POLM: variants seen among roughly 807,000 people sequenced by gnomAD.
POLM encodes DNA polymerase mu.
A neutral mutation model predicts 56.7 loss-of-function variants in POLM; 52 were observed. The observed-to-expected ratio is 0.92, with a 90% CI of 0.73 to 1.15. POLM has a LOEUF of 1.15. Ranked by LOEUF, POLM falls within the 50% of genes most tolerant of loss-of-function variation. The pLI is 0.00. For synonymous variants in POLM, 273 were observed against 274.3 expected, an observed-to-expected ratio of 1.00 and a Z score of 0.05; for missense variants, 660 against 663.6, an observed-to-expected ratio of 0.99 and a Z score of 0.06.
At position 44,074,349 on chromosome 7, in the gene POLM, TGGGGAGGGGTCTGAA is replaced by T. The variant is rs1407715948; in HGVS notation, c.968+34_968+48del. ...GGGTCCCCGACTCAGGTCCCTTCAC[TGGGGAGGGGTCTGAA>T]GCCAAGCCAGAGGGGCACGTCGGGC... On this transcript the variant is annotated intron_variant, in intron 7 of 10. Coordinates refer to ENST00000242248, the MANE Select transcript of POLM (RefSeq NM_013284.4). 6 of 1,549,068 alleles carry T rather than the reference TGGGGAGGGGTCTGAA, an allele frequency of 3.9e-6. No homozygotes were observed. In the Admixed American group the frequency reaches 5.9e-5, roughly 15 times the overall value.
chr7:44,080,255 C>T, intron 2 of POLM: 4 of 527,604 alleles, frequency 7.6e-6, no homozygotes, highest in Non-Finnish European at 7.0e-6. Context: ...TCCTCACAAC[C>T]AAGCGGGCTG....
At position 44,074,380 on chromosome 7, in the gene POLM, C is replaced by A; in HGVS notation, c.968+18G>T. On this transcript the variant is annotated intron_variant, in intron 7 of 10. Transcript: ENST00000242248. ...GGGGTCTGAAGCCAAGCCAGAGGGG[C>A]ACGTCGGGCCTTCTTACCTGCGGAA... is the stretch of plus-strand genomic sequence containing the variant. 1 of 1,552,314 alleles carries A rather than the reference C, an allele frequency of 6.4e-7. No individual in the cohort carries two copies. Among genetic ancestry groups the A allele is most frequent in the South Asian group, 1.2e-5 (1 of 84,130 alleles).
chr7:44,076,836 A>G, intron 5 of POLM: 1 of 546,446 alleles, frequency 1.8e-6, no homozygotes, highest in South Asian at 2.3e-5. Flanking sequence ...ACCCACGCAC[A>G]CCCCTCTCCT....
chr7:44,077,871 G>T (rs911738066), intron 5 of POLM, among the ~76,000 whole-genome samples: 5 of 152,166 alleles, frequency 3.3e-5, no homozygotes, highest in African/African-American at 9.7e-5. Context: ...TGTGGCCACC[G>T]CTGTGACACC....
rs762654668 is a variant in POLM at position 44,073,219 on chromosome 7, G to A, written c.*72C>T. On this transcript the variant is annotated 3_prime_UTR_variant, in exon 11 of 11. Coordinates refer to ENST00000242248, the MANE Select transcript of POLM (RefSeq NM_013284.4). ...GTGGGGGTCAGGGGGCAGCATATCT[G>A]CCTGGAGACATTCAGTGGCCAGGTT... 2.5e-6 allele frequency: 4 copies of A among 1,612,820 alleles called. No individual in the cohort carries two copies. In the South Asian group the frequency reaches 4.4e-5, roughly 18 times the overall value.
intron 10 of POLM, 78 bp downstream of exon 10, chr7:44,073,547 G>T: frequency 6.2e-7 from 1 of 1,605,000 alleles, no homozygotes; most frequent in Non-Finnish European, 8.5e-7. Context: ...GGCTGGAGGG[G>T]TCTGGGGCCA....
Position 44,078,734 on chromosome 7 carries a change from G to A in POLM, c.714+6C>T. 6.2e-7 allele frequency: 1 copy of A among 1,613,044 alleles called. No individual in the cohort carries two copies. Among genetic ancestry groups the A allele is most frequent in the Non-Finnish European group, 8.5e-7 (1 of 1,179,138 alleles). On this transcript the variant is annotated splice_donor_region_variant and intron_variant, in intron 5 of 10. Coordinates refer to ENST00000242248, the MANE Select transcript of POLM (RefSeq NM_013284.4). ...CTGGGGTAGGTCCGAGCCCTGCCCT[G>A]CGCACCTTCATGGTCTGGTACCTCT...
At chr7:44,076,916 A>G in intron 5 of POLM, 1 of 319,726 alleles carries the variant, frequency 3.1e-6, no homozygotes, top group Middle Eastern at 8.9e-4. Context: ...TCACCCTAAC[A>G]CATCAGCACG....
chr7:44,074,594 C>T, intron 6 of POLM, 64 bp from the exon 7 acceptor site: 2 of 1,475,548 alleles, frequency 1.4e-6, no homozygotes, highest in Non-Finnish European at 1.8e-6. Flanking sequence ...CCCCATCCCT[C>T]ACCAGCATGA....
In POLM at chr7:44,079,559, G is replaced by A; in HGVS notation, c.642+12C>T. 6.2e-7 allele frequency: 1 copy of A among 1,612,018 alleles called. No individual in the cohort carries two copies. The highest frequency in any genetic ancestry group is 1.7e-5 in the Admixed American group (1 of 59,992). On this transcript the variant is annotated intron_variant, in intron 4 of 10. Coordinates refer to ENST00000242248, the MANE Select transcript of POLM (RefSeq NM_013284.4). ...CCCACCCACTCACCCTGCTAGGATG[G>A]TAAGCACCTACCTGGACAACCCTAG...
rs773716078 is a variant in POLM, at chr7:44,073,889, C to T, written c.1208G>A (p.Gly403Glu). 2 of 1,614,246 alleles carry T rather than the reference C, an allele frequency of 1.2e-6. No individual in the cohort carries two copies. Among genetic ancestry groups the T allele is most frequent in the Admixed American group, 3.3e-5 (2 of 60,032 alleles). Residue 403 changes from glycine (G) to glutamate (E), a missense_variant, in exon 9 of 11, where the codon GGG (glycine) becomes GAG (glutamate). Physicochemically the swap from Gly to Glu is moderately conservative, Grantham distance 98. Coordinates refer to ENST00000242248, the MANE Select transcript of POLM (RefSeq NM_013284.4). The part of the protein sequence containing the change: ...RLPQPPGAAV[G>E]GSTRPCPSWK... The stretch of plus-strand genomic sequence containing the variant: ...GGATGGGCAGGGCCTCGTGGATCCC[C>T]CCACAGCAGCCCCTGGAGGTTGTGG...
rs752356912 is a variant in POLM, at chr7:44,073,125, G to A, written c.*166C>T. 110 of 1,492,650 alleles carry A rather than the reference G, an allele frequency of 7.4e-5. 1 individual carries two copies. The highest frequency in any genetic ancestry group is 3.6e-4 in the South Asian group (27 of 75,710). The allele number at this position is 1,492,650 out of a possible 1,614,324, so 92.5% of individuals were successfully genotyped here. A position where few individuals can be genotyped will look rare whatever the true frequency, so the allele number is the denominator to read the frequency against. On this transcript the variant is annotated 3_prime_UTR_variant, in exon 11 of 11. Transcript: ENST00000242248. ...CATCACACCCTGCAGCACACCAGCAGGGGCTCAACTGATCCTGCAGGCACA... is the reference window on the plus strand; with the variant it reads ...CATCACACCCTGCAGCACACCAGCAAGGGCTCAACTGATCCTGCAGGCACA...
intron 5 of POLM, 195 bp from the exon 6 acceptor site, chr7:44,076,824 A>C: frequency 1.6e-6 from 1 of 610,368 alleles, no homozygotes; most frequent in South Asian, 2.0e-5. Context: ...CTCTGGGAAC[A>C]AACCCACGCA....
chr7:44,076,417 CA>C lies in POLM; in HGVS notation c.835+91del. 9 of 1,540,056 alleles carry C rather than the reference CA, an allele frequency of 5.8e-6. No individual in the cohort carries two copies. The South Asian group carries it at 1.1e-4, about 18-fold the overall frequency. On this transcript the variant is annotated intron_variant, in intron 6 of 10. Transcript: ENST00000242248. ...AAAGCTGCCACCAAACCCTCTGCAC[CA>C]GACTGCTCCCTTCCCTCTAGGGAGT... is the stretch of plus-strand genomic sequence containing the variant.
Position 44,073,922 on chromosome 7 carries a change from A to T in POLM, c.1175T>A (p.Phe392Tyr), listed in dbSNP as rs75321671. ...AGCCCCTGGAGGTTGTGGTAGGCGG[A>T]AAATGCAGAAACTTCTCTCAAAAGC... ...MDAFERSFCIFRLPQPPGAAV... is the reference protein window; with the variant it reads ...MDAFERSFCIYRLPQPPGAAV... Residue 392 changes from phenylalanine (F) to tyrosine (Y), a missense_variant, in exon 9 of 11, where the codon TTC becomes TAC. Physicochemically the swap from Phe to Tyr is conservative, Grantham distance 22. Transcript: ENST00000242248. The T allele has an allele frequency of 1.2e-6, 2 of 1,614,070 alleles. No individual in the cohort carries two copies. The highest frequency in any genetic ancestry group is 2.2e-5 in the South Asian group (2 of 91,082).
At chr7:44,080,309 T>C in intron 2 of POLM, 1 of 537,218 alleles carries the variant, frequency 1.9e-6, no homozygotes, top group Non-Finnish European at 3.6e-6. Context: ...CCCACAACCA[T>C]GGCTCACAGG....
intron 6 of POLM, 84 bp from the exon 7 acceptor site, chr7:44,074,614 C>A (rs150761708): frequency 1.4e-6 from 2 of 1,437,552 alleles, no homozygotes; most frequent in African/African-American, 2.9e-5. Flanking sequence ...AGGTGATCAA[C>A]CTGGGGCCCC....
rs199509487 is a variant in POLM at position 44,074,146 on chromosome 7, G to C, written c.1056C>G (p.Cys352Trp). The change falls in exon 8 of 11, where the codon TGC becomes TGG. Residue 352 changes from cysteine to tryptophan, a missense_variant. Transcript: ENST00000242248. The stretch of plus-strand genomic sequence containing the variant: ...AGGCCCTCACCTGGTCCTGCAGGCG[G>C]CACATCACTCTAGGCAGCAGCCCCG... ...QEAGLLPRVM[C>W]RLQDQGLILY... 4.2e-5 allele frequency: 67 copies of C among 1,603,422 alleles called. No homozygotes were observed. The highest frequency in any genetic ancestry group is 6.8e-5 in the Admixed American group (4 of 58,476).
chr7:44,078,783 T>A lies in POLM; in HGVS notation c.671A>T (p.Glu224Val), dbSNP rs960519864. Residue 224 changes from glutamate to valine, a missense_variant, in exon 5 of 11, where the codon GAG becomes GTG. Glu to Val is a moderately radical substitution (Grantham distance 121). Coordinates refer to ENST00000242248, the MANE Select transcript of POLM (RefSeq NM_013284.4). ...CTCTGAGCGCCGAACTCTCTCCACC[T>A]CCTCACACACTCCATGCTCCAGCAG... ...QELLEHGVCEEVERVRRSERY... is the reference protein window; with the variant it reads ...QELLEHGVCEVVERVRRSERY... The A allele has an allele frequency of 6.2e-7, 1 of 1,613,712 alleles. No individual in the cohort carries two copies. Among genetic ancestry groups the A allele is most frequent in the Non-Finnish European group, 8.5e-7 (1 of 1,179,886 alleles).
Sources: allele counts gnomAD v4.1 joint callset (sites outside exome capture counted in the v4.1 genomes callset), GRCh38; gene constraint gnomAD v4.1.1; transcripts MANE v1.5; gene names NCBI Gene and HGNC (gene_info 2026-07-23, HGNC 2026-07-21).